The following LUZP4 variants were observed in gnomAD, a reference collection of about 807,000 sequenced individuals.
The protein encoded by LUZP4 is leucine zipper protein 4.
LUZP4 carries 11 observed loss-of-function variants against 8.5 expected under a neutral mutation model. The observed-to-expected ratio is 1.30, with a 90% confidence interval of 0.82 to 2.14. The LOEUF is 2.14. Among genes scored for constraint, LUZP4 ranks in the 30% most tolerant of loss-of-function variants. The pLI, the probability that LUZP4 is intolerant of heterozygous loss-of-function variation, is 0.00. For missense variants in LUZP4, 276 were observed against 229.7 expected (o/e 1.20, Z -1.30); for synonymous variants, 104 against 79.4 (o/e 1.31, Z -1.65).
chrX:115,298,325 C>G (rs2073380012), intron 1 of LUZP4, among the ~76,000 whole-genome samples: 1 of 112,456 alleles, frequency 8.9e-6, no homozygotes. Flanking sequence ...CCTCGGCCTC[C>G]CAAAATGCTG....
chrX:115,297,814 AT>A (rs1249522255), intron 1 of LUZP4, among the ~76,000 whole-genome samples: 16 of 105,653 alleles, frequency 1.5e-4, no homozygotes, highest in South Asian at 4.3e-4. Context: ...TTTGGGAACT[AT>A]TTTTTTTTTC....
At position 115,303,365 on chromosome X, in the gene LUZP4, T is replaced by G. The variant is rs1201472628; in HGVS notation, c.289T>G (p.Ser97Ala). The G allele has an allele frequency of 3.3e-6, 4 of 1,198,472 alleles. No individual in the cohort carries two copies. In the African/African-American group the frequency reaches 7.0e-5, roughly 21 times the overall value. The part of the protein sequence containing the change: ...NHDKKPSQKP[S>A]GFKSGQHPLN... ...TGATAAAAAACCATCCCAAAAACCT[T>G]CTGGATTCAAGTCTGGACAACACCC... The change falls in exon 3 of 4, where the codon TCT becomes GCT. Residue 97 changes from serine to alanine, a missense_variant. Ser to Ala is a moderately conservative substitution (Grantham distance 99, BLOSUM62 1). Coordinates refer to ENST00000371920, the MANE Select transcript of LUZP4 (RefSeq NM_016383.5).
chrX:115,306,703 G>C lies in LUZP4; in HGVS notation c.841G>C (p.Val281Leu). 1.7e-6 allele frequency: 2 copies of C among 1,210,222 alleles called. No homozygotes were observed. Among genetic ancestry groups the C allele is most frequent in the South Asian group, 1.8e-5 (1 of 56,869 alleles). Reference sequence around the variant, plus strand: ...TCTCATAGTCACTCAGAGAGATCTCGTGGCCACTGAGAGAGATCTCATAAA... The same window carrying C: ...TCTCATAGTCACTCAGAGAGATCTCCTGGCCACTGAGAGAGATCTCATAAA... ...RDLIVTQRDLVATERDLINQS... is the reference protein window; with the variant it reads ...RDLIVTQRDLLATERDLINQS... The change falls in exon 4 of 4, where the codon GTG becomes CTG. Residue 281 changes from valine (V) to leucine (L), a missense_variant. Transcript: ENST00000371920.
intron 1 of LUZP4, among the ~76,000 whole-genome samples, chrX:115,300,643 C>G (rs1464407848): frequency 2.7e-5 from 3 of 111,271 alleles, no homozygotes; most frequent in African/African-American, 9.8e-5. Context: ...TTTAAATCTT[C>G]CCTCCATGGG....
At chrX:115,302,239 G>T in intron 2 of LUZP4, 116 bp downstream of exon 2, 1 of 709,662 alleles carries the variant, frequency 1.4e-6, no homozygotes, top group Non-Finnish European at 2.0e-6. Flanking sequence ...TATGTTGCTT[G>T]TTTTATTTTT....
intron 1 of LUZP4, among the ~76,000 whole-genome samples, chrX:115,293,485 C>T (rs1556597735): frequency 9.1e-6 from 1 of 110,029 alleles, no homozygotes; most frequent in East Asian, 2.9e-4. Context: ...CACTATATTG[C>T]CTAGACTGGT....
Position 115,293,555 on chromosome X carries a change from G to A in LUZP4, c.91+3705G>A, listed in dbSNP as rs782399884. Among the ~76,000 whole-genome samples the A allele has an allele frequency of 1.7e-4, 19 of 111,460 alleles. No homozygotes were observed. In the East Asian group the frequency reaches 5.4e-3, roughly 31 times the overall value. ...GACCTCCCAAAGTGCTAGGATTACA[G>A]GTGTGAGCCACCACATCCGGCCTTT... is the stretch of plus-strand genomic sequence containing the variant. On this transcript the variant is annotated intron_variant, in intron 1 of 3. Transcript: ENST00000371920.
At position 115,289,746 on chromosome X, in the gene LUZP4, A is replaced by G; in HGVS notation, c.-14A>G. 1 of 1,184,297 alleles carries G rather than the reference A, an allele frequency of 8.4e-7. No individual in the cohort carries two copies. The highest frequency in any genetic ancestry group is 1.7e-5 in the African/African-American group (1 of 57,276). On this transcript the variant is annotated 5_prime_UTR_variant, in exon 1 of 4. The change abolishes an upstream ATG in the 5' untranslated region. Coordinates refer to ENST00000371920, the MANE Select transcript of LUZP4 (RefSeq NM_016383.5). ...GCCCTACCTCGGAGTGTGTGGCGCC[A>G]TGATGCAGGGAAGATGGCTTCGTTT...
intron 1 of LUZP4, among the ~76,000 whole-genome samples, chrX:115,292,348 T>G (rs191633423): frequency 2.7e-5 from 3 of 111,679 alleles, no homozygotes; most frequent in East Asian, 5.6e-4. Flanking sequence ...GTTCCAACAC[T>G]ACTTGTTAAA....
At chrX:115,302,232 G>C (rs782707458) in intron 2 of LUZP4, 109 bp downstream of exon 2, 4 of 753,151 alleles carry the variant, frequency 5.3e-6, no homozygotes, top group Non-Finnish European at 7.3e-6. Context: ...GTTGCATTAT[G>C]TTGCTTGTTT....
At chrX:115,306,060 A>C in intron 3 of LUZP4, 145 bp from the exon 4 acceptor site, 2 of 595,803 alleles carry the variant, frequency 3.4e-6, no homozygotes, top group Non-Finnish European at 5.2e-6. Flanking sequence ...AGTTAGTTCT[A>C]AAAACTGGTT....
chrX:115,307,019 G>A lies in LUZP4; in HGVS notation c.*215G>A. ...ATGTCCCATTAAGTTGTTCCCGGTA[G>A]GTCTGCTTTCCCTGGAAGAGCCGTA... On this transcript the variant is annotated 3_prime_UTR_variant, in exon 4 of 4. Transcript: ENST00000371920. 1 of 420,909 alleles carries A rather than the reference G, an allele frequency of 2.4e-6. No homozygotes were observed. Among genetic ancestry groups the A allele is most frequent in the East Asian group, 4.0e-5 (1 of 25,071 alleles). 34.7% of individuals were successfully genotyped at this position (420,909 alleles called of 1,213,427 possible). A position where few individuals can be genotyped will look rare whatever the true frequency, so the allele number is the denominator to read the frequency against.
Position 115,301,244 on chromosome X carries a change from C to T in LUZP4, c.92-748C>T, listed in dbSNP as rs377509533. Among the ~76,000 whole-genome samples, 75 of 111,407 alleles carry T rather than the reference C, an allele frequency of 6.7e-4. No individual in the cohort carries two copies. In the East Asian group the frequency reaches 8.1e-3, roughly 12 times the overall value. On this transcript the variant is annotated intron_variant, in intron 1 of 3. Transcript: ENST00000371920. ...GGCTTTTGCTTATTTCTAAAGATGC[C>T]TTAACATGAGTAAAGTTTTATCCAC...
chrX:115,294,162 C>T (rs1451253470), intron 1 of LUZP4, among the ~76,000 whole-genome samples: 1 of 111,447 alleles, frequency 9.0e-6, no homozygotes, highest in Non-Finnish European at 1.9e-5. Context: ...CTTCATGCTT[C>T]CTGCACTTTT....
intron 1 of LUZP4, among the ~76,000 whole-genome samples, chrX:115,291,134 T>G (rs1346062300): frequency 1.8e-5 from 2 of 109,956 alleles, no homozygotes; most frequent in Admixed American, 1.9e-4. Flanking sequence ...CAGGGACTGT[T>G]GTCTGGGTTG....
intron 2 of LUZP4, among the ~76,000 whole-genome samples, chrX:115,302,352 A>G (rs1249769054): frequency 8.9e-6 from 1 of 112,211 alleles, no homozygotes; most frequent in African/African-American, 3.2e-5. Context: ...GGAGAGTGGG[A>G]TAAAAAAAGT....
rs782229028 is a variant in LUZP4, at chrX:115,289,827, T to C, written c.68T>C (p.Val23Ala). ...VPPNHPSRKK[V>A]NFLDMSLDDI... ...CCAAATCATCCCAGTCGGAAAAAGGTTAACTTCCTAGATATGTCTCTAGGT... is the reference window on the plus strand; with the variant it reads ...CCAAATCATCCCAGTCGGAAAAAGGCTAACTTCCTAGATATGTCTCTAGGT... Residue 23 changes from valine (V) to alanine (A), a missense_variant, in exon 1 of 4, where the codon GTT becomes GCT. Transcript: ENST00000371920. 1 of 1,204,899 alleles carries C rather than the reference T, an allele frequency of 8.3e-7. No homozygotes were observed. Among genetic ancestry groups the C allele is most frequent in the South Asian group, 1.8e-5 (1 of 56,732 alleles).
intron 2 of LUZP4, among the ~76,000 whole-genome samples, chrX:115,302,781 C>T (rs1216391840): frequency 8.9e-6 from 1 of 112,291 alleles, no homozygotes; most frequent in African/African-American, 3.2e-5. Context: ...AGAAGAGAAG[C>T]GATGATAGTT....
chrX:115,295,033 A>C (rs17095113), intron 1 of LUZP4, among the ~76,000 whole-genome samples: 12,109 of 111,700 alleles, frequency 0.11, 488 homozygotes, highest in African/African-American at 0.13. Flanking sequence ...AGGAACAGCA[A>C]AACTTTCGAC....
Sources: gnomAD v4.1 joint callset for allele counts (sites outside exome capture counted in the v4.1 genomes callset) on GRCh38, gnomAD v4.1.1 for gene constraint, MANE v1.5 for transcripts, NCBI Gene and HGNC (gene_info 2026-07-23, HGNC 2026-07-21) for gene names.